Variants in PDSS2 observed in about 807,000 individuals in gnomAD.
The protein encoded by PDSS2 is all trans-polyprenyl-diphosphate synthase PDSS2.
PDSS2 carries 31 observed loss-of-function variants against 44.5 expected under a neutral mutation model. The observed-to-expected ratio is 0.70, with a 90% CI of 0.52 to 0.94. The LOEUF (loss-of-function observed/expected upper bound fraction) is 0.94, where lower values mean the gene tolerates loss of function less well. Among genes scored for constraint, PDSS2 ranks in the 40% least tolerant of loss-of-function variants. The probability of loss-of-function intolerance (pLI) is 0.00; values close to 1 mark genes in which losing one functional copy is unlikely to be tolerated. For missense variants in PDSS2, 452 were observed against 482.2 expected, an observed-to-expected ratio of 0.94 and a Z score of 0.59; for synonymous variants, 157 against 180.3, an observed-to-expected ratio of 0.87 and a Z score of 1.03.
At chr6:107,214,030 A>AT (rs1375001058) in intron 4 of PDSS2, among the ~76,000 whole-genome samples, 1 of 152,116 alleles carries the variant, frequency 6.6e-6, no homozygotes, top group Non-Finnish European at 1.5e-5. Context: ...TTAATGACAT[A>AT]TTTTATCTAT....
In PDSS2 at chr6:107,155,877, C is replaced by CT. The variant is rs60840656; in HGVS notation, c.1042-1101dup. Reference sequence around the variant, plus strand: ...ACAGGCATGAGCCACCTTGCCCGGCCTTTTTTTTTTTTTTTTTTTTTTTTT... The same window carrying CT: ...ACAGGCATGAGCCACCTTGCCCGGCCTTTTTTTTTTTTTTTTTTTTTTTTTT... On this transcript the variant is annotated intron_variant, in intron 7 of 7. Coordinates refer to ENST00000369037, the MANE Select transcript of PDSS2 (RefSeq NM_020381.4). Among the ~76,000 whole-genome samples the CT allele has an allele frequency of 7.9e-3, 407 of 51,688 alleles. 58 individuals are homozygous for CT. The highest frequency in any genetic ancestry group is 8.7e-3 in the Non-Finnish European group (241 of 27,630). 33.9% of individuals were successfully genotyped at this position (51,688 alleles called of 152,430 possible).
chr6:107,373,407 A>G (rs993222786), intron 1 of PDSS2, among the ~76,000 whole-genome samples: 3 of 152,360 alleles, frequency 2.0e-5, no homozygotes, highest in Admixed American at 1.3e-4. Context: ...GTTTAACTTA[A>G]TAATTTTACT....
At chr6:107,272,999 G>A (rs952103123) in intron 3 of PDSS2, among the ~76,000 whole-genome samples, 1 of 151,886 alleles carries the variant, frequency 6.6e-6, no homozygotes, top group African/African-American at 2.4e-5. Context: ...GGAGTGCGGT[G>A]GCACAATCTC....
At chr6:107,446,806 C>A (rs1221136336) in intron 1 of PDSS2, among the ~76,000 whole-genome samples, 1 of 151,988 alleles carries the variant, frequency 6.6e-6, no homozygotes, top group Non-Finnish European at 1.5e-5. Context: ...TATCTCCCAC[C>A]AGTTCCCTCC....
At chr6:107,393,680 T>G (rs1779854063) in intron 1 of PDSS2, among the ~76,000 whole-genome samples, 1 of 152,250 alleles carries the variant, frequency 6.6e-6, no homozygotes, top group Non-Finnish European at 1.5e-5. Context: ...GCTGTTATTA[T>G]GTACATCTAT....
At chr6:107,310,477 T>TCTGCATA (rs1369661802) in intron 2 of PDSS2, among the ~76,000 whole-genome samples, 1 of 152,146 alleles carries the variant, frequency 6.6e-6, no homozygotes, top group Non-Finnish European at 1.5e-5. Flanking sequence ...GGACGCTTTA[T>TCTGCATA]CTGCATATTA....
chr6:107,356,865 A>C (rs1000880413), intron 1 of PDSS2, among the ~76,000 whole-genome samples: 5 of 152,172 alleles, frequency 3.3e-5, no homozygotes, highest in African/African-American at 1.2e-4. Context: ...CAGGCTACTA[A>C]AATTTCCGCA....
chr6:107,267,877 G>A (rs984088473), intron 3 of PDSS2, among the ~76,000 whole-genome samples: 1 of 151,924 alleles, frequency 6.6e-6, no homozygotes, highest in Admixed American at 6.6e-5. Flanking sequence ...ATAGGCATGA[G>A]CCACCATGCC....
intron 2 of PDSS2, among the ~76,000 whole-genome samples, chr6:107,287,033 C>T (rs903863544): frequency 2.1e-5 from 3 of 139,794 alleles, no homozygotes; most frequent in South Asian, 2.6e-4. Flanking sequence ...AGCAAGACTC[C>T]GTCTCAAAAA....
intron 7 of PDSS2, among the ~76,000 whole-genome samples, chr6:107,168,951 C>T (rs1418355336): frequency 3.9e-5 from 6 of 151,970 alleles, no homozygotes; most frequent in African/African-American, 7.3e-5. Flanking sequence ...GACAATTATG[C>T]GTCTTGGAGT....
At chr6:107,204,225 G>A (rs1462539384) in intron 6 of PDSS2, among the ~76,000 whole-genome samples, 1 of 152,148 alleles carries the variant, frequency 6.6e-6, no homozygotes, top group Non-Finnish European at 1.5e-5. Context: ...ACAGGCATAA[G>A]CCACCGCGCA....
intron 1 of PDSS2, among the ~76,000 whole-genome samples, chr6:107,453,925 A>G (rs1781953670): frequency 6.6e-6 from 1 of 152,006 alleles, no homozygotes; most frequent in Admixed American, 6.6e-5. Context: ...GTTCTCTACT[A>G]TTCCAAGCCA....
At chr6:107,190,121 A>G (rs1772322690) in intron 7 of PDSS2, among the ~76,000 whole-genome samples, 1 of 151,818 alleles carries the variant, frequency 6.6e-6, no homozygotes, top group Non-Finnish European at 1.5e-5. Flanking sequence ...ATAAGCATCA[A>G]TGTTCAATTG....
intron 4 of PDSS2, among the ~76,000 whole-genome samples, chr6:107,213,635 T>C (rs1474180833): frequency 6.6e-6 from 1 of 152,098 alleles, no homozygotes; most frequent in Non-Finnish European, 1.5e-5. Flanking sequence ...CAGGTGCCTG[T>C]AATCCCAGCT....
At chr6:107,429,425 G>C (rs145703430) in intron 1 of PDSS2, among the ~76,000 whole-genome samples, 1 of 152,280 alleles carries the variant, frequency 6.6e-6, no homozygotes, top group African/African-American at 2.4e-5. Flanking sequence ...TCAAGGTTTG[G>C]TAGACATACA....
In PDSS2 at chr6:107,423,739, G is replaced by A. The variant is rs143511639; in HGVS notation, c.296+35251C>T. ...CAAGAAGCTTTCTTAGGCTCATTAAGTTAAAATTCTCCCACATGATTAACT... is the reference window on the plus strand; with the variant it reads ...CAAGAAGCTTTCTTAGGCTCATTAAATTAAAATTCTCCCACATGATTAACT... On this transcript the variant is annotated intron_variant, in intron 1 of 7. Transcript: ENST00000369037. 2.6e-5 allele frequency among the ~76,000 whole-genome samples: 4 copies of A among 152,236 alleles called. No individual in the cohort carries two copies. In the East Asian group the frequency reaches 7.7e-4, roughly 29 times the overall value.
At chr6:107,274,925 G>A (rs528059356) in intron 2 of PDSS2, among the ~76,000 whole-genome samples, 2 of 152,118 alleles carry the variant, frequency 1.3e-5, no homozygotes, top group Middle Eastern at 3.4e-3. Context: ...TACCTGCCTC[G>A]GACACCCAAA....
In PDSS2 at chr6:107,152,592, T is replaced by C. The variant is rs550265280; in HGVS notation, c.*2027A>G. 5 of 152,328 alleles carry C rather than the reference T, an allele frequency of 3.3e-5. No homozygotes were observed. In the East Asian group the frequency reaches 9.6e-4, roughly 29 times the overall value. The allele number at this position is 152,328 out of a possible 1,614,324, so 9.4% of individuals were successfully genotyped here. A position where few individuals can be genotyped will look rare whatever the true frequency, so the allele number is the denominator to read the frequency against. On this transcript the variant is annotated 3_prime_UTR_variant, in exon 8 of 8. Transcript: ENST00000369037. ...TAATTATCTTGTTTAATCTCTTTTT[T>C]TTTTTCACACTTGACTTTCAGGTCA...
At chr6:107,312,376 A>G (rs12214718) in intron 2 of PDSS2, among the ~76,000 whole-genome samples, 1,628 of 152,264 alleles carry the variant, frequency 0.011, 19 homozygotes, top group South Asian at 0.036. Flanking sequence ...CCTCTGTCTT[A>G]TGAACATGAG....
Sources: allele counts gnomAD v4.1 joint callset (sites outside exome capture counted in the v4.1 genomes callset), GRCh38; gene constraint gnomAD v4.1.1; transcripts MANE v1.5; gene names NCBI Gene and HGNC (gene_info 2026-07-23, HGNC 2026-07-21).